Variants in TTN observed in about 807,000 individuals in gnomAD.
TTN encodes the protein connectin.
Under a neutral mutation model 3,223.0 loss-of-function variants are expected in TTN, and 1,525 were observed. That is an observed-to-expected ratio of 0.47 (90% CI 0.45 to 0.49). The LOEUF is 0.49. Among genes scored for constraint, TTN ranks in the 20% least tolerant of loss-of-function variants. TTN has a pLI of 0.00. For synonymous variants in TTN, 14,094 were observed against 15,161.0 expected, an observed-to-expected ratio of 0.93 and a Z score of 5.17; for missense variants, 40,786 against 43,424.0, an observed-to-expected ratio of 0.94 and a Z score of 5.40.
chr2:178,540,852 C>T (rs1694108411), intron 350 of TTN, among the ~76,000 whole-genome samples: 1 of 152,154 alleles, frequency 6.6e-6, no homozygotes, highest in Non-Finnish European at 1.5e-5. Flanking sequence ...ATTTTATCAG[C>T]TAAAAATACT....
Position 178,781,082 on chromosome 2 carries a change from A to G in TTN, c.3523+39T>C, listed in dbSNP as rs1245257001. On this transcript the variant is annotated intron_variant, in intron 21 of 362. Coordinates refer to ENST00000589042, the MANE Select transcript of TTN (RefSeq NM_001267550.2). ...CAGCACTGCTATCTCCTTGTATTTC[A>G]GTTCTTATCATGCACATAGAAACTG... The G allele has an allele frequency of 2.5e-6, 4 of 1,613,264 alleles. No individual in the cohort carries two copies. In the African/African-American group the frequency reaches 5.3e-5, roughly 22 times the overall value.
rs878910324 is a variant in TTN at position 178,664,682 on chromosome 2, G to C, written c.36174C>G (p.Leu12058=). 6 of 1,612,392 alleles carry C rather than the reference G, an allele frequency of 3.7e-6. No individual in the cohort carries two copies. In the African/African-American group the frequency reaches 8.0e-5, roughly 22 times the overall value. Residue 12058 remains leucine (L), a synonymous_variant, in exon 167 of 363, where the codon CTC becomes CTG. Transcript: ENST00000589042. ...VPEKKTLVVP[L]RKPEVLPDEV... ...CATCAGGAAGGACTTCAGGCTTTCT[G>C]AGAGGAACCACAAGCGTTTTCTTTT... is the stretch of plus-strand genomic sequence containing the variant.
At position 178,775,965 on chromosome 2, in the gene TTN, G is replaced by T. The variant is rs1211910489; in HGVS notation, c.5899C>A (p.Pro1967Thr). 1 of 1,614,110 alleles carries T rather than the reference G, an allele frequency of 6.2e-7. No individual in the cohort carries two copies. Among genetic ancestry groups the T allele is most frequent in the Admixed American group, 1.7e-5 (1 of 60,026 alleles). Residue 1967 changes from proline (P) to threonine (T), a missense_variant, in exon 28 of 363, where the codon CCT becomes ACT. By Grantham distance (38) the Pro-to-Thr change is conservative. Transcript: ENST00000589042. ...LQFEVQKVDR[P>T]VDTTETKEVV... ...TCTTTGGTTTCAGTGGTGTCAACAG[G>T]TCTATCCACTTTTTGTACTTCAAAC...
At chr2:178,750,573 G>C in intron 47 of TTN, 3 of 1,612,272 alleles carry the variant, frequency 1.9e-6, no homozygotes, top group Non-Finnish European at 2.5e-6. Flanking sequence ...AATGAAGGTG[G>C]GCAACGTTGT....
At position 178,579,645 on chromosome 2, in the gene TTN, C is replaced by T. The variant is rs371063328; in HGVS notation, c.67552G>A (p.Glu22518Lys). The T allele has an allele frequency of 1.2e-6, 2 of 1,613,192 alleles. No homozygotes were observed. The highest frequency in any genetic ancestry group is 2.7e-5 in the African/African-American group (2 of 74,864). ...YSAKDLTEGKEYTFRVSAENE... is the reference protein window; with the variant it reads ...YSAKDLTEGKKYTFRVSAENE... ...TCAGCACTCACTCTGAAGGTATATT[C>T]CTTCCCTTCAGTCAAATCTTTTGCA... Residue 22518 changes from glutamate to lysine, a missense_variant, in exon 319 of 363, where the codon GAA becomes AAA. Glu to Lys is a moderately conservative substitution (Grantham distance 56). Transcript: ENST00000589042.
chr2:178,646,083 A>G, intron 216 of TTN, 53 bp from the exon 217 acceptor site: 1 of 427,724 alleles, frequency 2.3e-6, no homozygotes. Flanking sequence ...GCATGTGGAT[A>G]TGTAGTATAT....
intron 37 of TTN, 50 bp from the exon 38 acceptor site, chr2:178,768,983 A>G: frequency 6.2e-7 from 1 of 1,603,748 alleles, no homozygotes; most frequent in South Asian, 1.1e-5. Context: ...CGTAAATATG[A>G]TGTGGGTTAT....
At chr2:178,681,508 C>G (rs1156539076) in intron 136 of TTN, 58 bp from the exon 137 acceptor site, 6 of 1,523,240 alleles carry the variant, frequency 3.9e-6, no homozygotes, top group Non-Finnish European at 4.5e-6. Context: ...TCAAGGCTAG[C>G]AAGAACAAAA....
intron 92 of TTN, 33 bp from the exon 93 acceptor site, chr2:178,713,405 A>AAACAC (rs1553893886): frequency 6.8e-7 from 1 of 1,465,356 alleles, no homozygotes; most frequent in Admixed American, 2.8e-5. Context: ...AAACAAAACA[A>AAACAC]AACAAAAAAA....
chr2:178,705,023 C>T (rs535326751), intron 103 of TTN, 57 bp from the exon 104 acceptor site: 109 of 1,595,000 alleles, frequency 6.8e-5, no homozygotes, highest in Admixed American at 1.0e-4. Context: ...ATTTAGAGGA[C>T]GCATGACTAT....
At chr2:178,553,852 A>G (rs1201231480) in intron 333 of TTN, 45 bp from the exon 334 acceptor site, 2 of 1,561,510 alleles carry the variant, frequency 1.3e-6, no homozygotes, top group Admixed American at 1.8e-5. Context: ...ATCATGTACA[A>G]TTTAGTCACA....
rs397517530 is a variant in TTN at position 178,707,690 on chromosome 2, G to T, written c.28877C>A (p.Ala9626Asp). The change falls in exon 100 of 363, where the codon GCT becomes GAT. Residue 9626 changes from alanine (A) to aspartate (D), a missense_variant. Coordinates refer to ENST00000589042, the MANE Select transcript of TTN (RefSeq NM_001267550.2). Reference protein sequence around the residue: ...SEPIRIQWLKAGREIKPSDRC... With the variant: ...SEPIRIQWLKDGREIKPSDRC... ...GTCTGAAGGCTTTATTTCCCTGCCA[G>T]CCTTCAACCACTGGATCCTAATTGG... 4.3e-5 allele frequency: 70 copies of T among 1,613,828 alleles called. No individual in the cohort carries two copies. The highest frequency in any genetic ancestry group is 1.3e-4 in the Admixed American group (8 of 59,982).
chr2:178,542,873 C>T lies in TTN; in HGVS notation c.96981G>A (p.Val32327=). ...HVPAGRPVEL[V]IPIAGRPPPA... ...GAGGTGGACGGCCAGCAATAGGTAT[C>T]ACCAGCTCTACTGGTCTGCCAGCTG... The change falls in exon 348 of 363, where the codon GTG becomes GTA. Residue 32327 remains valine (V), a synonymous_variant. Transcript: ENST00000589042. The T allele has an allele frequency of 6.2e-7, 1 of 1,613,808 alleles. No individual in the cohort carries two copies. The highest frequency in any genetic ancestry group is 1.1e-5 in the South Asian group (1 of 91,072).
At chr2:178,777,680 T>C in intron 25 of TTN, 24 bp downstream of exon 25, 1 of 1,613,984 alleles carries the variant, frequency 6.2e-7, no homozygotes, top group South Asian at 1.1e-5. Flanking sequence ...TTATGATTCA[T>C]GAGCAAAAAC....
In TTN at chr2:178,590,943, G is replaced by T. The variant is rs555901678; in HGVS notation, c.60782C>A (p.Thr20261Lys). 31 of 1,613,392 alleles carry T rather than the reference G, an allele frequency of 1.9e-5. No homozygotes were observed. In the South Asian group the frequency reaches 3.4e-4, roughly 18 times the overall value. The change falls in exon 304 of 363, where the codon ACA becomes AAA. Residue 20261 changes from threonine to lysine, a missense_variant. Coordinates refer to ENST00000589042, the MANE Select transcript of TTN (RefSeq NM_001267550.2). ...KIGVGPPLDS[T>K]PTVAKHKFSP... is the part of the protein sequence containing the mutation. The stretch of plus-strand genomic sequence containing the variant: ...AAATTTATGCTTAGCAACAGTAGGT[G>T]TGGAGTCAAGGGGAGGACCAACACC...
rs777710012 is a variant in TTN, at chr2:178,535,965, A to T, written c.100765+17T>A. ...ACTCATTTAGCCTCAACTTGATGAT[A>T]ATTTATTTATTTTTACCTTCCACTT... On this transcript the variant is annotated intron_variant, in intron 357 of 362. Coordinates refer to ENST00000589042, the MANE Select transcript of TTN (RefSeq NM_001267550.2). 2.6e-6 allele frequency: 4 copies of T among 1,523,328 alleles called. No homozygotes were observed. The East Asian group carries it at 9.0e-5, about 34-fold the overall frequency. 94.4% of individuals were successfully genotyped at this position (1,523,328 alleles called of 1,614,324 possible).
In TTN at chr2:178,544,221, A is replaced by T. The variant is rs745962752; in HGVS notation, c.96008T>A (p.Ile32003Asn). The T allele has an allele frequency of 1.9e-5, 31 of 1,613,238 alleles. No homozygotes were observed. The highest frequency in any genetic ancestry group is 2.5e-5 in the Non-Finnish European group (30 of 1,179,248). The change falls in exon 345 of 363, where the codon ATT becomes AAT. Residue 32003 changes from isoleucine to asparagine, a missense_variant. Coordinates refer to ENST00000589042, the MANE Select transcript of TTN (RefSeq NM_001267550.2). ...MSEYSESIAEIEPVERIEIPD... is the reference protein window; with the variant it reads ...MSEYSESIAENEPVERIEIPD... ...AATACCTATTCTTTCCACGGGCTCA[A>T]TTTCAGCAATTGATTCGCTGTATTC...
At chr2:178,541,703 A>G (rs1304039580) in intron 349 of TTN, 119 bp from the exon 350 acceptor site, 2 of 711,746 alleles carry the variant, frequency 2.8e-6, no homozygotes, top group East Asian at 3.3e-5. Flanking sequence ...AAGGCACATG[A>G]CTATTTTTCC....
intron 47 of TTN, chr2:178,746,128 A>G (rs1448545914): frequency 6.2e-7 from 1 of 1,613,324 alleles, no homozygotes; most frequent in Non-Finnish European, 8.5e-7. Flanking sequence ...CGTATTTAAT[A>G]TTATCTGGCT....
Sources: allele counts gnomAD v4.1 joint callset (sites outside exome capture counted in the v4.1 genomes callset), GRCh38; gene constraint gnomAD v4.1.1; transcripts MANE v1.5; gene names NCBI Gene and HGNC (gene_info 2026-07-23, HGNC 2026-07-21).